The following KTN1 variants were observed in gnomAD, a reference collection of about 807,000 sequenced individuals.
KTN1 encodes kinectin.
A neutral mutation model predicts 222.5 loss-of-function variants in KTN1; 130 were observed. The ratio of observed to expected loss-of-function variants is 0.58; its 90% CI spans 0.51 to 0.68. The LOEUF is 0.68. Among genes scored for constraint, KTN1 ranks in the 30% least tolerant of loss-of-function variants. The probability of loss-of-function intolerance (pLI) is 0.00; values close to 1 mark genes in which losing one functional copy is unlikely to be tolerated. For synonymous variants in KTN1, 512 were observed against 496.3 expected (o/e 1.03, Z -0.42); for missense variants, 1,508 against 1,500.4 (o/e 1.01, Z -0.08).
chr14:55,631,341 G>GATATATATATATATATATATATAT (rs56190231), intron 7 of KTN1, among the ~76,000 whole-genome samples: 60 of 114,688 alleles, frequency 5.2e-4, no homozygotes, highest in African/African-American at 2.0e-3. Flanking sequence ...TGATAAGGTT[G>GATATATATATATATATATATATAT]ATATATATAT....
chr14:55,649,873 G>A, intron 22 of KTN1, 60 bp downstream of exon 22: 1 of 938,742 alleles, frequency 1.1e-6, no homozygotes, highest in Non-Finnish European at 1.6e-6. Context: ...TTTTTTGTGT[G>A]TGCTTAGAAA....
chr14:55,679,924 C>T (rs2046218879), intron 43 of KTN1: 2 of 451,458 alleles, frequency 4.4e-6, no homozygotes, highest in East Asian at 4.2e-5. Context: ...CAAACAGACT[C>T]TCTTGTAACT....
At chr14:55,603,601 T>G (rs1476753049) in intron 1 of KTN1, among the ~76,000 whole-genome samples, 2 of 152,208 alleles carry the variant, frequency 1.3e-5, no homozygotes, top group Non-Finnish European at 2.9e-5. Context: ...TTTCAGTGCT[T>G]CAGTCTTGAG....
intron 7 of KTN1, 23 bp downstream of exon 7, chr14:55,630,120 CAA>C: frequency 2.5e-6 from 4 of 1,604,070 alleles, no homozygotes; most frequent in Non-Finnish European, 3.4e-6. Context: ...TCTTTGGAAA[CAA>C]GATGAAATGG....
intron 2 of KTN1, among the ~76,000 whole-genome samples, chr14:55,615,093 TC>T (rs2038154434): frequency 6.6e-6 from 1 of 152,100 alleles, no homozygotes; most frequent in South Asian, 2.1e-4. Flanking sequence ...TAGAAGCAGT[TC>T]CCAAAGGATA....
chr14:55,648,477 G>A (rs2042615007), intron 20 of KTN1, among the ~76,000 whole-genome samples: 1 of 152,202 alleles, frequency 6.6e-6, no homozygotes, highest in Non-Finnish European at 1.5e-5. Flanking sequence ...GGAAAAGGTT[G>A]CGGGAAGAAG....
At chr14:55,643,848 A>G (rs2042032695) in intron 18 of KTN1, among the ~76,000 whole-genome samples, 1 of 152,174 alleles carries the variant, frequency 6.6e-6, no homozygotes, top group Non-Finnish European at 1.5e-5. Flanking sequence ...GCCTTTTATT[A>G]TAATGTTTCT....
chr14:55,643,967 T>C (rs768643425), intron 18 of KTN1, among the ~76,000 whole-genome samples: 5 of 152,196 alleles, frequency 3.3e-5, no homozygotes, highest in Non-Finnish European at 7.4e-5. Flanking sequence ...TTTTGATTTA[T>C]TTAAAAGAAT....
intron 7 of KTN1, among the ~76,000 whole-genome samples, chr14:55,631,687 G>A (rs973419331): frequency 6.6e-6 from 1 of 151,974 alleles, no homozygotes; most frequent in Non-Finnish European, 1.5e-5. Context: ...AGGCTGAGGT[G>A]GGAGGCTTGA....
chr14:55,637,327 G>A lies in KTN1; in HGVS notation c.1679G>A (p.Arg560Lys). Residue 560 changes from arginine (R) to lysine (K), a missense_variant, in exon 11 of 44, where the codon AGG becomes AAG. Arg to Lys is a conservative substitution (Grantham distance 26). Coordinates refer to ENST00000395314, the MANE Select transcript of KTN1 (RefSeq NM_001079521.2). The stretch of plus-strand genomic sequence containing the variant: ...CAGTTAATGGAATCAGAGCAGAAAA[G>A]GGTGAACAAAGAAGAGTCTCTACAA... ...LMQLMESEQK[R>K]VNKEESLQMQ... 1 of 1,603,434 alleles carries A rather than the reference G, an allele frequency of 6.2e-7. No individual in the cohort carries two copies. Among genetic ancestry groups the A allele is most frequent in the Non-Finnish European group, 8.5e-7 (1 of 1,174,772 alleles).
intron 1 of KTN1, among the ~76,000 whole-genome samples, chr14:55,594,164 A>G (rs1566665546): frequency 6.6e-6 from 1 of 152,118 alleles, no homozygotes; most frequent in Non-Finnish European, 1.5e-5. Flanking sequence ...GAGGATCCTT[A>G]TTGGAAGTCG....
intron 1 of KTN1, among the ~76,000 whole-genome samples, chr14:55,592,178 T>C (rs989117988): frequency 6.6e-6 from 1 of 152,230 alleles, no homozygotes; most frequent in Non-Finnish European, 1.5e-5. Flanking sequence ...GAAATTCTTC[T>C]CTACCTCACG....
chr14:55,628,982 G>A (rs2040184545), intron 6 of KTN1, among the ~76,000 whole-genome samples: 1 of 152,136 alleles, frequency 6.6e-6, no homozygotes, highest in Admixed American at 6.5e-5. Context: ...TCATACAATT[G>A]CTTTAGAGCA....
At chr14:55,645,899 T>C (rs1193522369) in intron 18 of KTN1, among the ~76,000 whole-genome samples, 1 of 152,114 alleles carries the variant, frequency 6.6e-6, no homozygotes, top group Non-Finnish European at 1.5e-5. Flanking sequence ...TTAATATCAT[T>C]TGTAAAAAAT....
chr14:55,634,778 T>A (rs1323619966), intron 9 of KTN1, 120 bp downstream of exon 9: 2 of 759,520 alleles, frequency 2.6e-6, no homozygotes, highest in African/African-American at 3.6e-5. Flanking sequence ...GAGGTTTAAT[T>A]GACTCACGGT....
chr14:55,591,581 C>CTTTTTTTTTTTTTTTTTTTTT (rs71131297), intron 1 of KTN1, among the ~76,000 whole-genome samples: 4 of 87,710 alleles, frequency 4.6e-5, no homozygotes, highest in East Asian at 4.1e-4. Context: ...TTCTCTCTTT[C>CTTTTTTTTTTTTTTTTTTTTT]TTTTTTTTTT....
intron 1 of KTN1, among the ~76,000 whole-genome samples, chr14:55,599,488 A>G (rs890012584): frequency 2.6e-5 from 4 of 151,460 alleles, no homozygotes; most frequent in Admixed American, 6.6e-5. Context: ...TTTTTGAGAC[A>G]GAGTCTCGTT....
At chr14:55,600,439 A>G (rs2140457873) in intron 1 of KTN1, among the ~76,000 whole-genome samples, 1 of 152,266 alleles carries the variant, frequency 6.6e-6, no homozygotes, top group African/African-American at 2.4e-5. Flanking sequence ...GGGTAGAGCT[A>G]GGACCACTGG....
rs775767332 is a variant in KTN1, at chr14:55,631,727, T to A, written c.1222-1508T>A. 6.6e-5 allele frequency among the ~76,000 whole-genome samples: 10 copies of A among 152,052 alleles called. 1 individual carries two copies. The highest frequency in any genetic ancestry group is 1.3e-4 in the Admixed American group (2 of 15,256). Reference sequence around the variant, plus strand: ...GGAAGGATGAGGTTGCAGTGAGCCATGATCACACTATTGCACTGCAGCCTG... The same window carrying A: ...GGAAGGATGAGGTTGCAGTGAGCCAAGATCACACTATTGCACTGCAGCCTG... On this transcript the variant is annotated intron_variant, in intron 7 of 43. Transcript: ENST00000395314.
Sources: gnomAD v4.1 joint callset for allele counts (sites outside exome capture counted in the v4.1 genomes callset) on GRCh38, gnomAD v4.1.1 for gene constraint, MANE v1.5 for transcripts, NCBI Gene and HGNC (gene_info 2026-07-23, HGNC 2026-07-21) for gene names.